Variants in CEP126 observed in about 807,000 individuals in gnomAD.
CEP126 encodes the protein centrosomal protein 126.
A neutral mutation model predicts 107.8 loss-of-function variants in CEP126; 74 were observed. The ratio of observed to expected loss-of-function variants is 0.69; its 90% CI spans 0.57 to 0.83. The LOEUF (loss-of-function observed/expected upper bound fraction) is 0.83, where lower values mean the gene tolerates loss of function less well. CEP126 is among the 40% of genes least tolerant of loss of function. The pLI is 0.00. For synonymous variants in CEP126, 449 were observed against 446.0 expected (o/e 1.01, Z -0.08); for missense variants, 1,237 against 1,281.9 (o/e 0.96, Z 0.53).
At chr11:101,919,421 A>C (rs1940287490) in intron 1 of CEP126, among the ~76,000 whole-genome samples, 1 of 152,138 alleles carries the variant, frequency 6.6e-6, no homozygotes, top group South Asian at 2.1e-4. Context: ...ACATGTTACA[A>C]TACATATTAT....
At chr11:101,958,456 T>G in intron 5 of CEP126, 90 bp downstream of exon 5, 2 of 1,017,086 alleles carry the variant, frequency 2.0e-6, no homozygotes, top group Non-Finnish European at 3.0e-6. Context: ...AGAAATATCT[T>G]ACTAGCTGAG....
intron 7 of CEP126, among the ~76,000 whole-genome samples, chr11:101,981,501 G>A (rs1265562409): frequency 6.6e-6 from 1 of 152,006 alleles, no homozygotes; most frequent in Non-Finnish European, 1.5e-5. Context: ...CACCGTGTTA[G>A]CCAGGATGGT....
At chr11:101,965,632 A>G (rs147918194) in intron 6 of CEP126, among the ~76,000 whole-genome samples, 72 of 152,380 alleles carry the variant, frequency 4.7e-4, no homozygotes, top group African/African-American at 1.5e-3. Flanking sequence ...AAATGAAGGT[A>G]TCGTACAGAT....
chr11:101,988,881 C>T (rs1281224980), intron 9 of CEP126, among the ~76,000 whole-genome samples: 4 of 151,722 alleles, frequency 2.6e-5, no homozygotes, highest in Non-Finnish European at 5.9e-5. Flanking sequence ...GAGAACATAG[C>T]CTCAAATATA....
chr11:101,919,948 T>A (rs1221009181), intron 1 of CEP126, among the ~76,000 whole-genome samples: 1 of 152,220 alleles, frequency 6.6e-6, no homozygotes, highest in Non-Finnish European at 1.5e-5. Flanking sequence ...CTTGTTGAAG[T>A]CTGGCTCTTG....
intron 2 of CEP126, among the ~76,000 whole-genome samples, chr11:101,940,094 A>T (rs2137092806): frequency 6.6e-6 from 1 of 152,314 alleles, no homozygotes; most frequent in South Asian, 2.1e-4. Context: ...ACAAAAAAAA[A>T]TCCCTGGAAC....
At chr11:101,952,008 A>G (rs570648694) in intron 4 of CEP126, among the ~76,000 whole-genome samples, 3 of 152,354 alleles carry the variant, frequency 2.0e-5, no homozygotes, top group East Asian at 3.9e-4. Flanking sequence ...GAGGTATTCA[A>G]TAAATACCTT....
chr11:101,930,545 A>C (rs997464337), intron 2 of CEP126, among the ~76,000 whole-genome samples: 25 of 152,160 alleles, frequency 1.6e-4, no homozygotes, highest in Admixed American at 5.2e-4. Flanking sequence ...TGAAGAGTGA[A>C]AGAACAAAAC....
chr11:101,985,304 G>T (rs61916040), intron 8 of CEP126, among the ~76,000 whole-genome samples: 1 of 146,830 alleles, frequency 6.8e-6, no homozygotes, highest in Non-Finnish European at 1.5e-5. Flanking sequence ...TTTTTTTTAA[G>T]CAGAGTCTCA....
At chr11:101,966,103 C>T (rs1351454215) in intron 6 of CEP126, among the ~76,000 whole-genome samples, 1 of 152,072 alleles carries the variant, frequency 6.6e-6, no homozygotes, top group African/African-American at 2.4e-5. Flanking sequence ...CTCTCTGGGA[C>T]ATTCGTATAA....
intron 2 of CEP126, among the ~76,000 whole-genome samples, chr11:101,923,328 G>T (rs867182204): frequency 1.3e-5 from 2 of 152,142 alleles, no homozygotes; most frequent in African/African-American, 4.8e-5. Context: ...GGGTAAACTA[G>T]AAACTATAGT....
intron 10 of CEP126, among the ~76,000 whole-genome samples, chr11:101,993,872 C>T (rs893085832): frequency 3.3e-5 from 5 of 152,132 alleles, no homozygotes; most frequent in Non-Finnish European, 7.4e-5. Context: ...AATGTCTGTT[C>T]ATGTTCTTTG....
rs1163789202 is a variant in CEP126, at chr11:101,987,010, G to A, written c.3213G>A (p.Glu1071=). 1.2e-6 allele frequency: 2 copies of A among 1,612,576 alleles called. No homozygotes were observed. The highest frequency in any genetic ancestry group is 1.7e-6 in the Non-Finnish European group (2 of 1,179,044). ...TLSAEEQKIL[E]SLNDLSERLH... is the part of the protein sequence containing the mutation. Reference sequence around the variant, plus strand: ...CAGCTGAAGAACAGAAGATCCTAGAGTCCCTTAATGATCTCAGTGAAAGAC... The same window carrying A: ...CAGCTGAAGAACAGAAGATCCTAGAATCCCTTAATGATCTCAGTGAAAGAC... The change falls in exon 9 of 11, where the codon GAG becomes GAA. Residue 1071 remains glutamate (E), a synonymous_variant. Coordinates refer to ENST00000263468, the MANE Select transcript of CEP126 (RefSeq NM_020802.4).
chr11:101,974,481 G>A (rs1487212307), intron 6 of CEP126, among the ~76,000 whole-genome samples: 1 of 152,128 alleles, frequency 6.6e-6, no homozygotes, highest in Non-Finnish European at 1.5e-5. Context: ...GCATAAGGAA[G>A]GATTTGAGCT....
At chr11:101,930,869 T>G (rs187271062) in intron 2 of CEP126, among the ~76,000 whole-genome samples, 1 of 152,182 alleles carries the variant, frequency 6.6e-6, no homozygotes, top group African/African-American at 2.4e-5. Flanking sequence ...TCTGTAGATA[T>G]GGAACTCACA....
chr11:101,981,118 T>A (rs1941249814), intron 7 of CEP126, among the ~76,000 whole-genome samples: 1 of 152,196 alleles, frequency 6.6e-6, no homozygotes, highest in Non-Finnish European at 1.5e-5. Context: ...TTTTCAAGGT[T>A]CTGTGCAGCA....
chr11:101,962,296 C>T lies in CEP126; in HGVS notation c.1261C>T (p.Gln421Ter). ...CCCAACATTTAAATTTAGCAAATCC[C>T]AAAGCACTTCAGATTCTCTAACCCA... ...ESPTFKFSKS[Q>*]STSDSLTQEV... is the part of the protein sequence containing the mutation. The change falls in exon 6 of 11, where the codon CAA becomes TAA. Residue 421 changes from glutamine to a stop codon, truncating the protein, a stop_gained. Transcript: ENST00000263468. LOFTEE classifies it high-confidence loss of function. 1 of 1,613,564 alleles carries T rather than the reference C, an allele frequency of 6.2e-7. No individual in the cohort carries two copies. Among genetic ancestry groups the T allele is most frequent in the Non-Finnish European group, 8.5e-7 (1 of 1,179,768 alleles).
intron 6 of CEP126, among the ~76,000 whole-genome samples, chr11:101,972,209 G>C (rs971372554): frequency 6.6e-6 from 1 of 150,384 alleles, no homozygotes; most frequent in Non-Finnish European, 1.5e-5. Flanking sequence ...GGCGGATCAC[G>C]AGGTCAGGAG....
intron 8 of CEP126, among the ~76,000 whole-genome samples, chr11:101,986,314 A>T (rs558392668): frequency 6.6e-6 from 1 of 152,142 alleles, no homozygotes; most frequent in Non-Finnish European, 1.5e-5. Flanking sequence ...AAAAACTAAT[A>T]TGTAAAATCA....
Sources: allele counts gnomAD v4.1 joint callset (sites outside exome capture counted in the v4.1 genomes callset), GRCh38; gene constraint gnomAD v4.1.1; transcripts MANE v1.5; gene names NCBI Gene and HGNC (gene_info 2026-07-23, HGNC 2026-07-21).